Variants in CCSER1 observed in about 807,000 individuals in gnomAD.
CCSER1 encodes the protein serine-rich coiled-coil domain-containing protein 1.
In CCSER1, 41 loss-of-function variants were observed where a neutral mutation model predicts 82.0. That is an observed-to-expected ratio of 0.50 (90% CI 0.39 to 0.65). CCSER1 has a LOEUF of 0.65. CCSER1 is among the 30% of genes least tolerant of loss of function. The pLI is 0.00. For synonymous variants in CCSER1, 414 were observed against 383.9 expected (o/e 1.08, Z -0.92); for missense variants, 1,119 against 1,064.2 (o/e 1.05, Z -0.72).
chr4:90,825,100 A>G (rs1051993408), intron 8 of CCSER1, among the ~76,000 whole-genome samples: 3 of 152,200 alleles, frequency 2.0e-5, no homozygotes, highest in African/African-American at 4.8e-5. Context: ...TGCTGTAGCA[A>G]TAGTACATAT....
chr4:90,460,324 C>CAAAAAAAAAAAA (rs751331396), intron 4 of CCSER1, among the ~76,000 whole-genome samples: 108 of 32,606 alleles, frequency 3.3e-3, no homozygotes, highest in Non-Finnish European at 4.4e-3. Flanking sequence ...AACTCCGTCT[C>CAAAAAAAAAAAA]AAAAAAAAAA....
intron 9 of CCSER1, among the ~76,000 whole-genome samples, chr4:91,000,225 GTATAGTATAGTATA>G (rs1737903092): frequency 8.1e-4 from 3 of 3,692 alleles, no homozygotes; most frequent in Non-Finnish European, 1.5e-3. Context: ...TATAGGTATA[GTATAGTATAGTATA>G]GTATAGTATA....
intron 10 of CCSER1, among the ~76,000 whole-genome samples, chr4:91,434,802 C>A (rs1754548206): frequency 2.0e-5 from 3 of 152,140 alleles, no homozygotes; most frequent in African/African-American, 4.8e-5. Flanking sequence ...ACAACTTGTC[C>A]TCTTAGGTCA....
chr4:91,598,818 CG>C lies in CCSER1; in HGVS notation c.2467del (p.Ala823ProfsTer8). Reference protein sequence around the residue: ...TLTSDVTQNLRATVGQSSLKP... With the variant: ...TLTSDVTQNLXATVGQSSLKP... ...CACTTCAGACGTTACACAGAACTTA[CG>C]GGCCACCGTTGGGCAGAGCTCTCTG... On this transcript the variant is annotated frameshift_variant, in exon 11 of 11. Coordinates refer to ENST00000509176, the MANE Select transcript of CCSER1 (RefSeq NM_001145065.2). LOFTEE classifies it high-confidence loss of function. 6.4e-7 allele frequency: 1 copy of C among 1,551,574 alleles called. No individual in the cohort carries two copies. Among genetic ancestry groups the C allele is most frequent in the Non-Finnish European group, 8.7e-7 (1 of 1,146,906 alleles).
chr4:90,820,621 CAG>C, intron 8 of CCSER1, among the ~76,000 whole-genome samples: 1 of 152,040 alleles, frequency 6.6e-6, no homozygotes, highest in African/African-American at 2.4e-5. Flanking sequence ...TTTTCAATGA[CAG>C]AATTTGGGGC....
intron 10 of CCSER1, among the ~76,000 whole-genome samples, chr4:91,316,352 C>T (rs1209324123): frequency 2.6e-5 from 4 of 151,932 alleles, no homozygotes; most frequent in African/African-American, 7.2e-5. Flanking sequence ...AATATGATTA[C>T]TATCAGTCTT....
chr4:90,811,991 A>ACACACACACAC, intron 7 of CCSER1, among the ~76,000 whole-genome samples: 1 of 117,994 alleles, frequency 8.5e-6, no homozygotes. Flanking sequence ...TATATATATA[A>ACACACACACAC]ACACATATAT....
chr4:90,723,927 G>A lies in CCSER1; in HGVS notation c.1946G>A (p.Ser649Asn). 6.3e-7 allele frequency: 1 copy of A among 1,575,990 alleles called. No homozygotes were observed. The highest frequency in any genetic ancestry group is 8.6e-7 in the Non-Finnish European group (1 of 1,158,426). ...CTGTCCTTGCAGAGTGCAGACATGA[G>A]TCCAGCAAGCAGTACCACGTCACTT... ...KRVLQESADM[S>N]PASSTTSLPV... Residue 649 changes from serine (S) to asparagine (N), a missense_variant, in exon 7 of 11, where the codon AGT becomes AAT. Transcript: ENST00000509176.
chr4:90,456,618 A>G (rs1036072953), intron 4 of CCSER1, among the ~76,000 whole-genome samples: 25 of 152,208 alleles, frequency 1.6e-4, no homozygotes, highest in African/African-American at 6.0e-4. Context: ...AACAAAGCCA[A>G]CATTCCCAAC....
chr4:91,317,029 TAA>T (rs779461838), intron 10 of CCSER1, among the ~76,000 whole-genome samples: 1 of 151,992 alleles, frequency 6.6e-6, no homozygotes, highest in Non-Finnish European at 1.5e-5. Flanking sequence ...TCAAAATTGC[TAA>T]AAGAGTAGAT....
At chr4:90,502,356 CACTA>C (rs557679508) in intron 5 of CCSER1, among the ~76,000 whole-genome samples, 45 of 152,248 alleles carry the variant, frequency 3.0e-4, no homozygotes, top group African/African-American at 1.0e-3. Context: ...CTTGAGAATT[CACTA>C]ACTGTGAGGA....
At chr4:90,225,231 A>ATTTTTTTT (rs57188209) in intron 1 of CCSER1, among the ~76,000 whole-genome samples, 14 of 111,862 alleles carry the variant, frequency 1.3e-4, no homozygotes, top group African/African-American at 3.4e-4. Flanking sequence ...TACCCGGCTA[A>ATTTTTTTT]TTTTTTTTTT....
At chr4:91,361,740 T>C (rs889809033) in intron 10 of CCSER1, among the ~76,000 whole-genome samples, 6 of 151,768 alleles carry the variant, frequency 4.0e-5, no homozygotes, top group Non-Finnish European at 8.8e-5. Context: ...CGGAAGTGTT[T>C]TTGCTATGAA....
intron 6 of CCSER1, among the ~76,000 whole-genome samples, chr4:90,682,404 G>A (rs897571549): frequency 6.6e-6 from 1 of 151,880 alleles, no homozygotes; most frequent in African/African-American, 2.4e-5. Context: ...TCATGGCCTG[G>A]TGAATGCTTT....
chr4:90,718,268 G>C (rs902513971), intron 6 of CCSER1, among the ~76,000 whole-genome samples: 28 of 152,110 alleles, frequency 1.8e-4, no homozygotes, highest in African/African-American at 6.5e-4. Flanking sequence ...GCTTAAAAAA[G>C]TTAAAATATT....
Position 91,086,000 on chromosome 4 carries a change from A to G in CCSER1, c.2217+6A>G. ...CAGTACAAGGAGGGAGAGAGGTAAG[A>G]ATGTTTAAAGAAGAGGGGTGGGAAA... On this transcript the variant is annotated splice_donor_region_variant and intron_variant, in intron 10 of 10. Coordinates refer to ENST00000509176, the MANE Select transcript of CCSER1 (RefSeq NM_001145065.2). The G allele has an allele frequency of 6.6e-7, 1 of 1,516,814 alleles. No individual in the cohort carries two copies. The highest frequency in any genetic ancestry group is 9.0e-7 in the Non-Finnish European group (1 of 1,115,734). 94.0% of individuals were successfully genotyped at this position (1,516,814 alleles called of 1,614,324 possible). A position where few individuals can be genotyped will look rare whatever the true frequency, so the allele number is the denominator to read the frequency against.
intron 8 of CCSER1, among the ~76,000 whole-genome samples, chr4:90,846,239 G>A (rs1366835758): frequency 6.6e-6 from 1 of 152,162 alleles, no homozygotes; most frequent in Admixed American, 6.5e-5. Context: ...TTTATGTATA[G>A]AAATCCTTCA....
At chr4:91,466,327 T>C (rs952419427) in intron 10 of CCSER1, among the ~76,000 whole-genome samples, 1 of 152,088 alleles carries the variant, frequency 6.6e-6, no homozygotes, top group African/African-American at 2.4e-5. Flanking sequence ...AAACTCTCAA[T>C]AAATTAGGTA....
At chr4:90,490,377 T>G (rs1767792775) in intron 5 of CCSER1, among the ~76,000 whole-genome samples, 1 of 152,332 alleles carries the variant, frequency 6.6e-6, no homozygotes, top group Non-Finnish European at 1.5e-5. Flanking sequence ...TTGTTTGTTT[T>G]TTTCTTGTAA....
Sources: allele counts gnomAD v4.1 joint callset (sites outside exome capture counted in the v4.1 genomes callset), GRCh38; gene constraint gnomAD v4.1.1; transcripts MANE v1.5; gene names NCBI Gene and HGNC (gene_info 2026-07-23, HGNC 2026-07-21).